NOX3: variants seen among roughly 807,000 people sequenced by gnomAD.
NOX3 encodes NADPH oxidase 3, also known as NADPH oxidase catalytic subunit-like 3.
Under a neutral mutation model 76.7 loss-of-function variants are expected in NOX3, and 74 were observed. That is an observed-to-expected ratio of 0.96 (90% CI 0.80 to 1.17). The LOEUF (loss-of-function observed/expected upper bound fraction) is 1.17, where lower values mean the gene tolerates loss of function less well. NOX3 is among the 50% of genes most tolerant of loss of function. NOX3 has a pLI of 0.00. For missense variants in NOX3, 695 were observed against 703.3 expected (o/e 0.99, Z 0.13); for synonymous variants, 263 against 261.1 (o/e 1.01, Z -0.07).
At chr6:155,446,212 AG>A (rs1777063688) in intron 4 of NOX3, among the ~76,000 whole-genome samples, 1 of 151,896 alleles carries the variant, frequency 6.6e-6, no homozygotes, top group Admixed American at 6.6e-5. Context: ...ATGTCTATGA[AG>A]GTGCTGCCTT....
rs574565548 is a variant in NOX3 at position 155,431,558 on chromosome 6, T to C, written c.799-623A>G. Among the ~76,000 whole-genome samples the C allele has an allele frequency of 2.6e-5, 4 of 152,286 alleles. No homozygotes were observed. In the South Asian group the frequency reaches 8.3e-4, roughly 32 times the overall value. Reference sequence around the variant, plus strand: ...CTAGAGAATTGTGATGGTGAAAATGTCCATTTTAAACAAATCAGATGCTAT... The same window carrying C: ...CTAGAGAATTGTGATGGTGAAAATGCCCATTTTAAACAAATCAGATGCTAT... On this transcript the variant is annotated intron_variant, in intron 7 of 13. Coordinates refer to ENST00000159060, the MANE Select transcript of NOX3 (RefSeq NM_015718.3).
intron 12 of NOX3, among the ~76,000 whole-genome samples, chr6:155,400,375 C>G (rs1362200456): frequency 6.6e-6 from 1 of 151,688 alleles, no homozygotes; most frequent in African/African-American, 2.4e-5. Context: ...AGACCCTAAA[C>G]CCTATTTAAA....
intron 4 of NOX3, among the ~76,000 whole-genome samples, chr6:155,447,108 C>T (rs529556559): frequency 2.3e-4 from 34 of 150,982 alleles, no homozygotes; most frequent in Non-Finnish European, 4.1e-4. Flanking sequence ...TGCAATGGCG[C>T]GATCTCAGCT....
At chr6:155,428,634 T>G (rs1463843747) in intron 9 of NOX3, among the ~76,000 whole-genome samples, 160 bp downstream of exon 9, 1 of 150,888 alleles carries the variant, frequency 6.6e-6, no homozygotes, top group Non-Finnish European at 1.5e-5. Context: ...CTCCTAGAAG[T>G]CTACAAAATT....
chr6:155,445,960 TATATATATA>T (rs1562472096), intron 4 of NOX3, among the ~76,000 whole-genome samples: 3 of 121,978 alleles, frequency 2.5e-5, no homozygotes, highest in African/African-American at 1.1e-4. Context: ...ATATATGCTA[TATATATATA>T]ATATATATAT....
intron 9 of NOX3, among the ~76,000 whole-genome samples, chr6:155,427,411 T>G (rs1397772936): frequency 1.3e-5 from 2 of 152,244 alleles, no homozygotes; most frequent in Non-Finnish European, 2.9e-5. Context: ...AATAAATATT[T>G]GTCAAACTAA....
intron 6 of NOX3, among the ~76,000 whole-genome samples, chr6:155,437,478 C>G (rs949815055): frequency 1.3e-5 from 2 of 152,172 alleles, no homozygotes; most frequent in Non-Finnish European, 1.5e-5. Context: ...CAGTAATACG[C>G]CCTTGGAAAA....
intron 12 of NOX3, among the ~76,000 whole-genome samples, chr6:155,400,355 C>G (rs1015005): frequency 6.6e-6 from 1 of 152,032 alleles, no homozygotes; most frequent in African/African-American, 2.4e-5. Flanking sequence ...AGTTATAACC[C>G]TGTAGGGGCA....
intron 6 of NOX3, among the ~76,000 whole-genome samples, chr6:155,439,374 T>C (rs1057374599): frequency 6.6e-6 from 1 of 152,094 alleles, no homozygotes; most frequent in Non-Finnish European, 1.5e-5. Flanking sequence ...ATGAACCATA[T>C]CAGGCAGGTA....
Position 155,397,937 on chromosome 6 carries a change from A to T in NOX3, c.1581-975T>A, listed in dbSNP as rs1318456097. 2.0e-5 allele frequency among the ~76,000 whole-genome samples: 3 copies of T among 152,164 alleles called. No individual in the cohort carries two copies. The East Asian group carries it at 5.8e-4, about 29-fold the overall frequency. On this transcript the variant is annotated intron_variant, in intron 12 of 13. Transcript: ENST00000159060. ...TATGTCAGAGAGATACTTTTTGCAT[A>T]TAGTGGCTATCCCAGAGCTGCTCAA...
intron 4 of NOX3, among the ~76,000 whole-genome samples, chr6:155,445,959 A>C (rs1393080373): frequency 1.6e-5 from 2 of 122,282 alleles, no homozygotes; most frequent in African/African-American, 7.2e-5. Context: ...TATATATGCT[A>C]TATATATATA....
In NOX3 at chr6:155,407,129, C is replaced by G; in HGVS notation, c.1580+1G>C. The G allele has an allele frequency of 6.2e-7, 1 of 1,613,916 alleles. No individual in the cohort carries two copies. Among genetic ancestry groups the G allele is most frequent in the Non-Finnish European group, 8.5e-7 (1 of 1,179,890 alleles). On this transcript the variant is annotated splice_donor_variant, in intron 12 of 13. Transcript: ENST00000159060. LOFTEE classifies it high-confidence loss of function. ...GGGAGAGGAGCAAGAGCTTGCCTTA[C>G]CTGGGGTGATTGTAGGCAATCTGCT...
At chr6:155,408,928 A>C (rs546865661) in intron 11 of NOX3, among the ~76,000 whole-genome samples, 4 of 149,082 alleles carry the variant, frequency 2.7e-5, no homozygotes, top group Non-Finnish European at 6.0e-5. Context: ...AAAGATGGGA[A>C]TAACAGGCAC....
intron 4 of NOX3, 107 bp from the exon 5 acceptor site, chr6:155,443,525 T>C: frequency 7.4e-7 from 1 of 1,343,860 alleles, no homozygotes; most frequent in South Asian, 1.5e-5. Context: ...CTGGTTTTTG[T>C]AATCTCCAAG....
intron 11 of NOX3, among the ~76,000 whole-genome samples, chr6:155,407,794 GGAGCCTGGCAGGCGGAAAATGGTGGCCA>G (rs1776483641): frequency 6.6e-6 from 1 of 152,094 alleles, no homozygotes; most frequent in African/African-American, 2.4e-5. Context: ...GGGAGGATGT[GGAGCCTGGCAGGCGGAAAATGGTGGCCA>G]GAGCCTGGCA....
In NOX3 at chr6:155,443,309, G is replaced by C. The variant is rs774496858; in HGVS notation, c.450C>G (p.Asn150Lys). The change falls in exon 5 of 14, where the codon AAC (asparagine) becomes AAG (lysine). Residue 150 changes from asparagine (N) to lysine (K), a missense_variant. Physicochemically the swap from Asn to Lys is moderately conservative, Grantham distance 94. Coordinates refer to ENST00000159060, the MANE Select transcript of NOX3 (RefSeq NM_015718.3). The part of the protein sequence containing the change: ...AALSKLGNTP[N>K]ESYLNPVRTF... ...TCCGGACAGGGTTGAGGTAGCTCTC[G>C]TTAGGGGTGTTGCCCAGCTTGGAAA... 2 of 1,614,120 alleles carry C rather than the reference G, an allele frequency of 1.2e-6. No homozygotes were observed. The highest frequency in any genetic ancestry group is 2.2e-5 in the East Asian group (1 of 44,886).
chr6:155,431,413 AACACAC>A (rs61041630), intron 7 of NOX3, among the ~76,000 whole-genome samples: 15 of 144,732 alleles, frequency 1.0e-4, no homozygotes, highest in South Asian at 2.3e-4. Flanking sequence ...TAAACACAGA[AACACAC>A]ACACACACAC....
intron 13 of NOX3, 24 bp downstream of exon 13, chr6:155,396,785 A>G (rs1255305942): frequency 1.3e-6 from 2 of 1,574,814 alleles, no homozygotes; most frequent in African/African-American, 2.7e-5. Flanking sequence ...CCAATCCCTG[A>G]CCTGTATGAT....
intron 4 of NOX3, among the ~76,000 whole-genome samples, chr6:155,448,208 G>A (rs1777089632): frequency 6.6e-6 from 1 of 152,120 alleles, no homozygotes; most frequent in Non-Finnish European, 1.5e-5. Context: ...CAGCTGTGTG[G>A]CTCCTGTGTC....
Sources: allele counts gnomAD v4.1 joint callset (sites outside exome capture counted in the v4.1 genomes callset), GRCh38; gene constraint gnomAD v4.1.1; transcripts MANE v1.5; gene names NCBI Gene and HGNC (gene_info 2026-07-23, HGNC 2026-07-21).